DMD: variants seen among roughly 807,000 people sequenced by gnomAD.
DMD encodes dystrophin.
Under a neutral mutation model 330.1 loss-of-function variants are expected in DMD, and 63 were observed. That is an observed-to-expected ratio of 0.19 (90% CI 0.16 to 0.24). The LOEUF (loss-of-function observed/expected upper bound fraction) is 0.24, where lower values mean the gene tolerates loss of function less well. Among genes scored for constraint, DMD ranks in the 10% least tolerant of loss-of-function variants. The pLI, the probability that DMD is intolerant of heterozygous loss-of-function variation, is 1.00. For synonymous variants in DMD, 1,223 were observed against 959.8 expected (o/e 1.27, Z -5.07); for missense variants, 3,344 against 2,684.1 (o/e 1.25, Z -5.43).
At chrX:33,135,019 A>G (rs762267467) in intron 1 of DMD, among the ~76,000 whole-genome samples, 5 of 112,033 alleles carry the variant, frequency 4.5e-5, no homozygotes, top group Admixed American at 3.8e-4. Flanking sequence ...ATGCTGCCAC[A>G]TATATCTTCT....
intron 1 of DMD, among the ~76,000 whole-genome samples, chrX:33,076,354 C>A (rs2094841067): frequency 9.0e-6 from 1 of 111,728 alleles, no homozygotes; most frequent in African/African-American, 3.3e-5. Flanking sequence ...ATTGCAATTT[C>A]CCTGTCTTGA....
chrX:32,797,172 G>C (rs1261909455), intron 7 of DMD, among the ~76,000 whole-genome samples: 5 of 111,019 alleles, frequency 4.5e-5, no homozygotes. Context: ...GCCTAGGCTT[G>C]AGAGTAGTGG....
intron 74 of DMD, among the ~76,000 whole-genome samples, chrX:31,149,834 T>C (rs139230525): frequency 0.01 from 1,169 of 112,008 alleles, 25 homozygotes; most frequent in African/African-American, 0.036. Context: ...ACTTAACCCA[T>C]AGTCATTTAG....
intron 2 of DMD, among the ~76,000 whole-genome samples, chrX:32,875,673 C>A (rs1393251853): frequency 8.9e-6 from 1 of 112,126 alleles, no homozygotes; most frequent in Admixed American, 9.4e-5. Flanking sequence ...GTCAAAGCAA[C>A]CAGAAAACCG....
rs1440906676 is a variant in DMD at position 31,540,919 on chromosome X, GAAGT to G, written c.8218-33470_8218-33467del. Among the ~76,000 whole-genome samples, 3 of 112,531 alleles carry G rather than the reference GAAGT, an allele frequency of 2.7e-5. No individual in the cohort carries two copies. In the East Asian group the frequency reaches 8.3e-4, roughly 31 times the overall value. On this transcript the variant is annotated intron_variant, in intron 55 of 78. Coordinates refer to ENST00000357033, the MANE Select transcript of DMD (RefSeq NM_004006.3). ...TTCCAAAACTGTTTCTGCTCAGAAA[GAAGT>G]AAGAGGAATATCATTTGGTGATATA...
chrX:31,206,700 C>T (rs778074922), intron 65 of DMD, 33 bp from the exon 66 acceptor site: 7 of 1,119,404 alleles, frequency 6.3e-6, no homozygotes. Context: ...AAAACAATTA[C>T]TGACCCTTTC....
chrX:31,402,987 GA>G (rs1391138960), intron 60 of DMD, among the ~76,000 whole-genome samples: 1 of 111,651 alleles, frequency 9.0e-6, no homozygotes, highest in East Asian at 2.8e-4. Flanking sequence ...ATTTAGACAA[GA>G]AAATAGGGCA....
chrX:31,314,760 G>C (rs960795682), intron 62 of DMD, among the ~76,000 whole-genome samples: 105 of 105,689 alleles, frequency 9.9e-4, no homozygotes, highest in Non-Finnish European at 1.8e-3. Flanking sequence ...GAGAGAGAGA[G>C]AGAGAGAGAG....
At chrX:31,891,633 G>A (rs755563195) in intron 47 of DMD, among the ~76,000 whole-genome samples, 41 of 112,213 alleles carry the variant, frequency 3.7e-4, no homozygotes, top group African/African-American at 1.2e-3. Flanking sequence ...ACACAGCCAT[G>A]CCCATTCGTT....
intron 1 of DMD, among the ~76,000 whole-genome samples, chrX:33,038,797 A>G (rs2094247956): frequency 9.0e-6 from 1 of 111,276 alleles, no homozygotes; most frequent in Non-Finnish European, 1.9e-5. Context: ...GTTCGAGACC[A>G]GCTTGGCCAA....
intron 29 of DMD, among the ~76,000 whole-genome samples, chrX:32,429,346 AT>A (rs1412518406): frequency 1.2e-5 from 1 of 80,636 alleles, no homozygotes; most frequent in Non-Finnish European, 2.3e-5. Flanking sequence ...AGTAGTTGGG[AT>A]TATAGGCACC....
chrX:31,551,445 A>G (rs2074482622), intron 55 of DMD, among the ~76,000 whole-genome samples: 1 of 111,336 alleles, frequency 9.0e-6, no homozygotes, highest in Non-Finnish European at 1.9e-5. Flanking sequence ...TACCTGCAGC[A>G]TCTGTTCTAC....
chrX:33,283,723 A>G (rs2053378422), intron 1 of DMD, among the ~76,000 whole-genome samples: 1 of 110,758 alleles, frequency 9.0e-6, no homozygotes, highest in African/African-American at 3.3e-5. Context: ...TAATTTTATG[A>G]AAACATCTGT....
chrX:32,149,331 A>AAC (rs1180650996), intron 44 of DMD, among the ~76,000 whole-genome samples: 1 of 111,891 alleles, frequency 8.9e-6, no homozygotes, highest in African/African-American at 3.3e-5. Flanking sequence ...CCGAAAATGA[A>AAC]ACAATACTCA....
At chrX:32,666,562 A>G (rs1602711369) in intron 9 of DMD, among the ~76,000 whole-genome samples, 1 of 111,245 alleles carries the variant, frequency 9.0e-6, no homozygotes, top group Middle Eastern at 4.6e-3. Context: ...GTCGCATAGT[A>G]TTCCATGTAT....
rs149766665 is a variant in DMD at position 32,119,312 on chromosome X, G to A, written c.6438+97604C>T. Among the ~76,000 whole-genome samples the A allele has an allele frequency of 8.2e-3, 775 of 94,978 alleles. 7 individuals are homozygous for A. Among genetic ancestry groups the A allele is most frequent in the African/African-American group, 0.03 (732 of 24,575 alleles). The allele number at this position is 94,978 out of a possible 115,157, so 82.5% of individuals were successfully genotyped here. A position where few individuals can be genotyped will look rare whatever the true frequency, so the allele number is the denominator to read the frequency against. ...TCATCCCAGGGCACTTCACCTGGAT[G>A]ACAGAGTGAGACAGTTAAAAAAAAA... On this transcript the variant is annotated intron_variant, in intron 44 of 78. Coordinates refer to ENST00000357033, the MANE Select transcript of DMD (RefSeq NM_004006.3).
At chrX:32,041,682 G>A (rs980100848) in intron 44 of DMD, among the ~76,000 whole-genome samples, 6 of 110,692 alleles carry the variant, frequency 5.4e-5, no homozygotes, top group African/African-American at 2.0e-4. Flanking sequence ...CATCTCTACT[G>A]TCAAATGATA....
Position 32,450,870 on chromosome X carries a change from T to G in DMD, c.3604-2232A>C, listed in dbSNP as rs1361526438. 3.6e-5 allele frequency among the ~76,000 whole-genome samples: 4 copies of G among 111,119 alleles called. No homozygotes were observed. The East Asian group carries it at 1.1e-3, about 31-fold the overall frequency. On this transcript the variant is annotated intron_variant, in intron 26 of 78. Transcript: ENST00000357033. ...TAGACTTCATATATTCTTGGTTTAA[T>G]AAGAGGCTCAGATCTTGGGAAAGGT...
At chrX:32,380,338 C>T (rs1225053036) in intron 34 of DMD, among the ~76,000 whole-genome samples, 172 bp downstream of exon 34, 2 of 111,164 alleles carry the variant, frequency 1.8e-5, no homozygotes, top group Non-Finnish European at 3.8e-5. Context: ...CTAAAGCTTA[C>T]CATTGGTTTT....
Sources: gnomAD v4.1 joint callset for allele counts (sites outside exome capture counted in the v4.1 genomes callset) on GRCh38, gnomAD v4.1.1 for gene constraint, MANE v1.5 for transcripts, NCBI Gene and HGNC (gene_info 2026-07-23, HGNC 2026-07-21) for gene names.